Variants in PPP1R12A observed in about 807,000 individuals in gnomAD.
PPP1R12A encodes protein phosphatase 1 regulatory subunit 12A.
A neutral mutation model predicts 139.6 loss-of-function variants in PPP1R12A; 19 were observed. The observed-to-expected ratio is 0.14, with a 90% CI of 0.09 to 0.20. The LOEUF (loss-of-function observed/expected upper bound fraction) is 0.20, where lower values mean the gene tolerates loss of function less well. PPP1R12A is among the 10% of genes least tolerant of loss of function. PPP1R12A has a pLI of 1.00. For synonymous variants in PPP1R12A, 427 were observed against 420.6 expected (o/e 1.02, Z -0.19); for missense variants, 925 against 1,211.5 (o/e 0.76, Z 3.51).
At chr12:79,795,566 G>GCCT in intron 18 of PPP1R12A, 72 bp downstream of exon 18, 1 of 1,401,490 alleles carries the variant, frequency 7.1e-7, no homozygotes, top group Non-Finnish European at 9.7e-7. Flanking sequence ...GAAATTATTA[G>GCCT]TATGTATTTT....
chr12:79,822,025 T>C (rs1372059755), intron 6 of PPP1R12A, 91 bp downstream of exon 6: 17 of 955,968 alleles, frequency 1.8e-5, no homozygotes, highest in Non-Finnish European at 2.3e-5. Flanking sequence ...AACCAAAAAG[T>C]ACAAAACATC....
chr12:79,908,891 G>A (rs1304717379), intron 1 of PPP1R12A, among the ~76,000 whole-genome samples: 1 of 152,146 alleles, frequency 6.6e-6, no homozygotes, highest in East Asian at 1.9e-4. Context: ...GAACACATTA[G>A]CTGGCAAGAG....
chr12:79,841,762 C>G (rs1445358093), intron 3 of PPP1R12A, among the ~76,000 whole-genome samples: 1 of 152,180 alleles, frequency 6.6e-6, no homozygotes, highest in Non-Finnish European at 1.5e-5. Flanking sequence ...CAGGGAAGTT[C>G]TTGCTAGGTT....
At chr12:79,928,601 T>A (rs1310885814) in intron 1 of PPP1R12A, among the ~76,000 whole-genome samples, 3 of 152,242 alleles carry the variant, frequency 2.0e-5, no homozygotes, top group Non-Finnish European at 4.4e-5. Context: ...CAAATTTTAA[T>A]GCTCTTTAAA....
intron 9 of PPP1R12A, among the ~76,000 whole-genome samples, chr12:79,814,085 G>GA: frequency 1.3e-5 from 2 of 152,190 alleles, no homozygotes; most frequent in East Asian, 3.9e-4. Flanking sequence ...AGATAAACTT[G>GA]AAAAAATTTT....
intron 2 of PPP1R12A, among the ~76,000 whole-genome samples, chr12:79,856,862 G>A (rs1406926068): frequency 1.3e-5 from 2 of 152,234 alleles, no homozygotes; most frequent in Non-Finnish European, 2.9e-5. Context: ...AGAACCGTGA[G>A]CTTAGCAGAA....
rs527656852 is a variant in PPP1R12A, at chr12:79,775,885, G to A, written c.*44C>T. 1.3e-5 allele frequency: 18 copies of A among 1,380,904 alleles called. 1 individual carries two copies. In the African/African-American group the frequency reaches 1.5e-4, roughly 11 times the overall value. 85.5% of individuals were successfully genotyped at this position (1,380,904 alleles called of 1,614,324 possible). A position where few individuals can be genotyped will look rare whatever the true frequency, so the allele number is the denominator to read the frequency against. On this transcript the variant is annotated 3_prime_UTR_variant, in exon 25 of 25. Coordinates refer to ENST00000450142, the MANE Select transcript of PPP1R12A (RefSeq NM_002480.3). ...GTGACTGCCAATTATGGTCCACTGG[G>A]TTACTAATATGTGCAATTCCATTAC...
intron 4 of PPP1R12A, among the ~76,000 whole-genome samples, chr12:79,830,848 T>C (rs1183646376): frequency 2.6e-5 from 4 of 152,138 alleles, no homozygotes; most frequent in African/African-American, 4.8e-5. Context: ...TCAATAGATA[T>C]ATGTAACTGG....
At chr12:79,914,833 G>A (rs1234948427) in intron 1 of PPP1R12A, among the ~76,000 whole-genome samples, 2 of 151,318 alleles carry the variant, frequency 1.3e-5, no homozygotes, top group Non-Finnish European at 2.9e-5. Flanking sequence ...TTTTAAACTG[G>A]GAAAACAAAA....
chr12:79,817,584 A>G, intron 8 of PPP1R12A, 66 bp from the exon 9 acceptor site: 1 of 1,400,256 alleles, frequency 7.1e-7, no homozygotes, highest in Non-Finnish European at 9.6e-7. Context: ...CTGGGAAAAA[A>G]TCATTTTATA....
intron 5 of PPP1R12A, chr12:79,825,135 A>C (rs1345637288): frequency 6.6e-6 from 1 of 152,186 alleles, no homozygotes; most frequent in Non-Finnish European, 1.5e-5. Context: ...GTGGGAATAC[A>C]ATCTAGGTCT....
At chr12:79,916,777 C>T (rs894593303) in intron 1 of PPP1R12A, among the ~76,000 whole-genome samples, 1 of 152,108 alleles carries the variant, frequency 6.6e-6, no homozygotes, top group Non-Finnish European at 1.5e-5. Flanking sequence ...CCATCAACAC[C>T]AGCTTCTTTG....
chr12:79,822,737 A>G (rs1876267182), intron 5 of PPP1R12A, among the ~76,000 whole-genome samples: 1 of 149,742 alleles, frequency 6.7e-6, no homozygotes, highest in Admixed American at 6.6e-5. Context: ...GTATCACTTC[A>G]TTTCTTTTGA....
At chr12:79,837,507 C>T (rs1359790727) in intron 3 of PPP1R12A, among the ~76,000 whole-genome samples, 2 of 152,020 alleles carry the variant, frequency 1.3e-5, no homozygotes, top group Admixed American at 6.6e-5. Flanking sequence ...AATTTTCATA[C>T]CTAGATAATT....
At chr12:79,822,269 T>G in intron 5 of PPP1R12A, 79 bp from the exon 6 acceptor site, 1 of 1,039,688 alleles carries the variant, frequency 9.6e-7, no homozygotes, top group South Asian at 1.5e-5. Flanking sequence ...CTGTATAATT[T>G]TATATAAAGA....
intron 10 of PPP1R12A, among the ~76,000 whole-genome samples, chr12:79,809,112 G>T (rs2137067924): frequency 6.6e-6 from 1 of 151,888 alleles, no homozygotes; most frequent in East Asian, 1.9e-4. Flanking sequence ...TAAAATACCT[G>T]GAAACCAACT....
At chr12:79,842,414 TTAGTTTCTA>T (rs1878835065) in intron 3 of PPP1R12A, among the ~76,000 whole-genome samples, 1 of 152,210 alleles carries the variant, frequency 6.6e-6, no homozygotes, top group East Asian at 1.9e-4. Flanking sequence ...TTTCTAATCC[TTAGTTTCTA>T]TTTTCTGATG....
intron 1 of PPP1R12A, among the ~76,000 whole-genome samples, chr12:79,887,490 G>A (rs565808320): frequency 3.4e-4 from 51 of 152,188 alleles, no homozygotes; most frequent in African/African-American, 1.1e-3. Flanking sequence ...ATTTAACAGC[G>A]ATATAGCGAA....
intron 2 of PPP1R12A, among the ~76,000 whole-genome samples, chr12:79,849,994 T>TA (rs962601288): frequency 1.5e-3 from 224 of 145,500 alleles, no homozygotes; most frequent in East Asian, 3.8e-3. Flanking sequence ...CAGCTAAATT[T>TA]AAAAAAAAAA....
Sources: gnomAD v4.1 joint callset for allele counts (sites outside exome capture counted in the v4.1 genomes callset) on GRCh38, gnomAD v4.1.1 for gene constraint, MANE v1.5 for transcripts, NCBI Gene and HGNC (gene_info 2026-07-23, HGNC 2026-07-21) for gene names.